Variants in FYN observed in about 807,000 individuals in gnomAD.
FYN encodes tyrosine-protein kinase Fyn.
FYN carries 10 observed loss-of-function variants against 70.2 expected under a neutral mutation model. That is an observed-to-expected ratio of 0.14 (90% CI 0.09 to 0.24). The LOEUF (loss-of-function observed/expected upper bound fraction) is 0.24. Among genes scored for constraint, FYN ranks in the 10% least tolerant of loss-of-function variants. The pLI is 1.00. For missense variants in FYN, 319 were observed against 673.1 expected, an observed-to-expected ratio of 0.47 and a Z score of 5.82; for synonymous variants, 236 against 248.6, an observed-to-expected ratio of 0.95 and a Z score of 0.48.
intron 2 of FYN, among the ~76,000 whole-genome samples, chr6:111,821,215 A>G (rs9398287): frequency 0.81 from 120,366 of 149,232 alleles, 49,489 homozygotes; most frequent in African/African-American, 0.95. Flanking sequence ...GAGGCATCAC[A>G]CTACCTGACT....
intron 3 of FYN, among the ~76,000 whole-genome samples, chr6:111,742,245 A>G (rs1802008930): frequency 6.6e-6 from 1 of 152,240 alleles, no homozygotes; most frequent in South Asian, 2.1e-4. Flanking sequence ...TGACAGAATC[A>G]GATTTCAAAT....
intron 2 of FYN, among the ~76,000 whole-genome samples, chr6:111,797,543 G>A (rs901582105): frequency 6.6e-5 from 10 of 150,906 alleles, no homozygotes; most frequent in African/African-American, 2.4e-4. Flanking sequence ...ATAGGATAGT[G>A]AATGGTTAAA....
chr6:111,703,962 T>C lies in FYN; in HGVS notation c.547+37A>G, dbSNP rs762196538. The C allele has an allele frequency of 2.0e-6, 3 of 1,518,480 alleles. No homozygotes were observed. In the Admixed American group the frequency reaches 5.0e-5, roughly 25 times the overall value. The allele number at this position is 1,518,480 out of a possible 1,614,324, so 94.1% of individuals were successfully genotyped here. ...ATCCCCTCTGACTAATCCACAGATT[T>C]GAATGACAAGCCAACTTCTTCAACT... On this transcript the variant is annotated intron_variant, in intron 7 of 13. Coordinates refer to ENST00000354650, the MANE Select transcript of FYN (RefSeq NM_002037.5).
chr6:111,790,034 C>T (rs1235050259), intron 2 of FYN, among the ~76,000 whole-genome samples: 3 of 151,936 alleles, frequency 2.0e-5, no homozygotes, highest in Non-Finnish European at 4.4e-5. Context: ...TGGGGCTGAA[C>T]GGAATGTTAA....
At chr6:111,732,037 A>G (rs1010066797) in intron 3 of FYN, among the ~76,000 whole-genome samples, 10 of 152,252 alleles carry the variant, frequency 6.6e-5, no homozygotes, top group Non-Finnish European at 1.5e-4. Flanking sequence ...CACAAAAAAC[A>G]GTATTTGGGA....
At chr6:111,718,447 C>T (rs1394771737) in intron 4 of FYN, among the ~76,000 whole-genome samples, 3 of 152,190 alleles carry the variant, frequency 2.0e-5, no homozygotes, top group Non-Finnish European at 4.4e-5. Context: ...CCCACATGCT[C>T]AACACAAGTG....
intron 3 of FYN, among the ~76,000 whole-genome samples, chr6:111,723,259 A>G (rs1801038492): frequency 6.6e-6 from 1 of 152,230 alleles, no homozygotes; most frequent in Admixed American, 6.5e-5. Context: ...GAGAAGAAAA[A>G]TCATCAGCTC....
At chr6:111,821,595 C>T (rs1583470645) in intron 2 of FYN, among the ~76,000 whole-genome samples, 1 of 152,110 alleles carries the variant, frequency 6.6e-6, no homozygotes, top group South Asian at 2.1e-4. Context: ...ATGTCTAAAA[C>T]ACCAAAAGCC....
At chr6:111,698,085 T>C (rs1799652441) in intron 9 of FYN, among the ~76,000 whole-genome samples, 1 of 152,232 alleles carries the variant, frequency 6.6e-6, no homozygotes, top group African/African-American at 2.4e-5. Context: ...GTACTTATCA[T>C]TTGCTGGGCT....
intron 3 of FYN, among the ~76,000 whole-genome samples, chr6:111,771,977 T>C (rs1583428387): frequency 6.6e-6 from 1 of 152,184 alleles, no homozygotes; most frequent in East Asian, 1.9e-4. Context: ...AGAGGGAACA[T>C]GGAATTGTTG....
At chr6:111,689,840 G>A (rs1005759567) in intron 12 of FYN, among the ~76,000 whole-genome samples, 30 of 152,192 alleles carry the variant, frequency 2.0e-4, no homozygotes, top group South Asian at 6.2e-4. Flanking sequence ...CTTTATCTTC[G>A]GGGTGGATTC....
intron 3 of FYN, among the ~76,000 whole-genome samples, chr6:111,732,787 A>C (rs1346487046): frequency 1.3e-5 from 2 of 152,152 alleles, no homozygotes; most frequent in African/African-American, 4.8e-5. Context: ...GGTGCTGGTG[A>C]ACTGGCTTCA....
At chr6:111,872,121 G>A (rs888144187) in intron 1 of FYN, among the ~76,000 whole-genome samples, 5 of 152,054 alleles carry the variant, frequency 3.3e-5, no homozygotes, top group African/African-American at 1.2e-4. Flanking sequence ...GGGGGAAGGA[G>A]GGGCAAGAAG....
chr6:111,690,167 G>A (rs1030504345), intron 12 of FYN, among the ~76,000 whole-genome samples: 3 of 151,600 alleles, frequency 2.0e-5, no homozygotes, highest in African/African-American at 7.3e-5. Context: ...CTATGTCGGG[G>A]GTCACAGGAG....
At chr6:111,710,371 C>T (rs912555832) in intron 5 of FYN, among the ~76,000 whole-genome samples, 1 of 152,220 alleles carries the variant, frequency 6.6e-6, no homozygotes, top group East Asian at 1.9e-4. Context: ...TTAATGAAGT[C>T]ATTTCCAATT....
intron 2 of FYN, among the ~76,000 whole-genome samples, chr6:111,831,490 G>A (rs1454494014): frequency 1.3e-5 from 2 of 152,126 alleles, no homozygotes; most frequent in African/African-American, 2.4e-5. Context: ...AAGGGTACCT[G>A]GCTCTGCAAT....
intron 2 of FYN, among the ~76,000 whole-genome samples, chr6:111,815,728 CT>C (rs1195971993): frequency 8.2e-5 from 9 of 109,882 alleles, no homozygotes; most frequent in African/African-American, 2.6e-4. Flanking sequence ...TTTTTTTTTT[CT>C]TTTTTTTGAG....
intron 1 of FYN, among the ~76,000 whole-genome samples, chr6:111,854,373 A>T (rs1173384525): frequency 6.6e-6 from 1 of 152,238 alleles, no homozygotes; most frequent in African/African-American, 2.4e-5. Flanking sequence ...GTACTTGGAC[A>T]TGAGCAGCTA....
chr6:111,671,224 C>T (rs1053800118), intron 13 of FYN, among the ~76,000 whole-genome samples: 10 of 152,098 alleles, frequency 6.6e-5, no homozygotes, highest in African/African-American at 1.2e-4. Context: ...TTGAGATTGT[C>T]GTCTTCCCTT....
Sources: gnomAD v4.1 joint callset for allele counts (sites outside exome capture counted in the v4.1 genomes callset) on GRCh38, gnomAD v4.1.1 for gene constraint, MANE v1.5 for transcripts, NCBI Gene and HGNC (gene_info 2026-07-23, HGNC 2026-07-21) for gene names.